KCNH1: variants seen among roughly 807,000 people sequenced by gnomAD.
The protein encoded by KCNH1 is potassium voltage-gated channel subfamily H member 1, also known as voltage-gated delayed rectifier potassium channel KCNH1.
KCNH1 carries 27 observed loss-of-function variants against 69.2 expected under a neutral mutation model. That is an observed-to-expected ratio of 0.39 (90% CI 0.29 to 0.54). The LOEUF is 0.54. Among genes scored for constraint, KCNH1 ranks in the 20% least tolerant of loss-of-function variants. The pLI, the probability that KCNH1 is intolerant of heterozygous loss-of-function variation, is 0.68. For synonymous variants in KCNH1, 456 were observed against 487.7 expected, an observed-to-expected ratio of 0.93 and a Z score of 0.86; for missense variants, 798 against 1,261.6, an observed-to-expected ratio of 0.63 and a Z score of 5.57.
intron 7 of KCNH1, among the ~76,000 whole-genome samples, chr1:210,827,561 ATTACACT>A (rs540742246): frequency 1.7e-4 from 26 of 152,272 alleles, no homozygotes; most frequent in Non-Finnish European, 2.8e-4. Context: ...ATATTTATTG[ATTACACT>A]TTACATTCAA....
chr1:210,711,870 T>C (rs1682083434), intron 10 of KCNH1, among the ~76,000 whole-genome samples: 1 of 152,206 alleles, frequency 6.6e-6, no homozygotes, highest in South Asian at 2.1e-4. Context: ...GGGGAACTTG[T>C]GGCTCTCAGA....
At chr1:211,093,501 G>T (rs902573134) in intron 3 of KCNH1, among the ~76,000 whole-genome samples, 1 of 152,066 alleles carries the variant, frequency 6.6e-6, no homozygotes, top group Non-Finnish European at 1.5e-5. Context: ...GGCCAGGCTG[G>T]TCTCAAACCC....
chr1:211,108,527 C>T (rs973218059), intron 1 of KCNH1: 8 of 152,182 alleles, frequency 5.3e-5, no homozygotes, highest in Admixed American at 5.2e-4. Flanking sequence ...GCTTCTCCAC[C>T]CTTCTTAGAT....
At chr1:211,036,612 G>A (rs1413410633) in intron 5 of KCNH1, among the ~76,000 whole-genome samples, 1 of 152,204 alleles carries the variant, frequency 6.6e-6, no homozygotes. Flanking sequence ...ACCTTGTCCA[G>A]TCATAGAAGC....
chr1:211,072,145 A>G (rs945630835), intron 5 of KCNH1, among the ~76,000 whole-genome samples: 1 of 152,108 alleles, frequency 6.6e-6, no homozygotes, highest in Non-Finnish European at 1.5e-5. Flanking sequence ...GCATGGTGGC[A>G]CACACCTGTA....
intron 7 of KCNH1, among the ~76,000 whole-genome samples, chr1:210,827,572 C>T (rs1164448339): frequency 6.6e-6 from 1 of 152,162 alleles, no homozygotes; most frequent in Non-Finnish European, 1.5e-5. Context: ...TTACACTTTA[C>T]ATTCAAACAA....
Position 210,683,108 on chromosome 1 carries a change from T to A in KCNH1, c.*173A>T. 1 of 707,190 alleles carries A rather than the reference T, an allele frequency of 1.4e-6. No individual in the cohort carries two copies. The highest frequency in any genetic ancestry group is 2.4e-6 in the Non-Finnish European group (1 of 414,588). 43.8% of individuals were successfully genotyped at this position (707,190 alleles called of 1,614,324 possible). On this transcript the variant is annotated 3_prime_UTR_variant, in exon 11 of 11. Transcript: ENST00000271751. This position sits in a 1 kb window ranked among gnomAD's most constrained non-coding sequence, Gnocchi z 5.7. ...CTTGCAGGGTAGGGGCACGCTACCCTTCCCATATCTTTTTCCAGATAGAGA... is the reference window on the plus strand; with the variant it reads ...CTTGCAGGGTAGGGGCACGCTACCCATCCCATATCTTTTTCCAGATAGAGA...
At chr1:210,704,588 T>A (rs977083015) in intron 10 of KCNH1, among the ~76,000 whole-genome samples, 1 of 152,170 alleles carries the variant, frequency 6.6e-6, no homozygotes, top group Non-Finnish European at 1.5e-5. Flanking sequence ...ATTATCTCAT[T>A]TGGGATCACA....
At chr1:210,842,685 T>C (rs745393802) in intron 7 of KCNH1, among the ~76,000 whole-genome samples, 4 of 152,156 alleles carry the variant, frequency 2.6e-5, no homozygotes, top group Non-Finnish European at 4.4e-5. Flanking sequence ...GATGATGAGG[T>C]TGACAACCCT....
chr1:210,843,522 T>G (rs1486533736), intron 7 of KCNH1, among the ~76,000 whole-genome samples: 3 of 152,206 alleles, frequency 2.0e-5, no homozygotes. Context: ...TGGGTTGGAA[T>G]TCTTCTCTCT....
intron 10 of KCNH1, among the ~76,000 whole-genome samples, chr1:210,768,091 A>C (rs1475473931): frequency 1.3e-5 from 2 of 152,232 alleles, no homozygotes; most frequent in African/African-American, 4.8e-5. Context: ...AGATTTCTAG[A>C]TGTTAAAATT....
At chr1:210,782,176 G>A (rs1401159372) in intron 9 of KCNH1, among the ~76,000 whole-genome samples, 1 of 152,126 alleles carries the variant, frequency 6.6e-6, no homozygotes, top group African/African-American at 2.4e-5. Context: ...CACTGTCTCC[G>A]GTACGTGGCA....
intron 6 of KCNH1, among the ~76,000 whole-genome samples, chr1:210,934,310 TAG>T (rs1280333175): frequency 5.9e-5 from 9 of 152,132 alleles, no homozygotes; most frequent in African/African-American, 2.2e-4. Flanking sequence ...AAGTAATATC[TAG>T]AATATACAAG....
chr1:210,801,338 G>C (rs1288455360), intron 8 of KCNH1, among the ~76,000 whole-genome samples: 1 of 152,156 alleles, frequency 6.6e-6, no homozygotes, highest in Non-Finnish European at 1.5e-5. Flanking sequence ...GGAGGGGAGG[G>C]GCAGATGGGG....
chr1:210,981,884 G>A (rs1302817583), intron 6 of KCNH1, among the ~76,000 whole-genome samples: 1 of 152,102 alleles, frequency 6.6e-6, no homozygotes, highest in Non-Finnish European at 1.5e-5. Flanking sequence ...GAGGGGCCAG[G>A]GGAATGTGTA....
intron 10 of KCNH1, among the ~76,000 whole-genome samples, chr1:210,734,195 G>A (rs1449075765): frequency 4.6e-5 from 7 of 152,152 alleles, no homozygotes; most frequent in South Asian, 2.1e-4. Context: ...TCATAAAAGA[G>A]ATAAACTAGG....
chr1:210,869,483 TCGTGTGTGTGTGTG>T (rs1332148038), intron 7 of KCNH1, among the ~76,000 whole-genome samples: 2 of 104,520 alleles, frequency 1.9e-5, no homozygotes, highest in Middle Eastern at 0.011. Context: ...TAGTTATAAG[TCGTGTGTGTGTGTG>T]TGTGTGTGTG....
At chr1:210,902,522 C>T (rs1315284823) in intron 7 of KCNH1, among the ~76,000 whole-genome samples, 5 of 152,176 alleles carry the variant, frequency 3.3e-5, no homozygotes, top group African/African-American at 1.2e-4. Flanking sequence ...GGAGATGTGC[C>T]CATTCATCAT....
chr1:211,073,171 A>G (rs1055860807), intron 5 of KCNH1, among the ~76,000 whole-genome samples: 1 of 152,220 alleles, frequency 6.6e-6, no homozygotes. Flanking sequence ...TTCTCAAAAA[A>G]GACATAATCT....
Sources: gnomAD v4.1 joint callset for allele counts (sites outside exome capture counted in the v4.1 genomes callset) on GRCh38, gnomAD v4.1.1 for gene constraint, Gnocchi (gnomAD v3.1) non-coding constraint, MANE v1.5 for transcripts, NCBI Gene and HGNC (gene_info 2026-07-23, HGNC 2026-07-21) for gene names.